Variants in ATP8B1 observed in about 807,000 individuals in gnomAD.
ATP8B1 encodes ATPase phospholipid transporting 8B1, also known as phospholipid-transporting ATPase IC.
Under a neutral mutation model 149.9 loss-of-function variants are expected in ATP8B1, and 80 were observed. The ratio of observed to expected loss-of-function variants is 0.53; its 90% confidence interval spans 0.45 to 0.64. ATP8B1 has a LOEUF of 0.64. ATP8B1 is among the 30% of genes least tolerant of loss of function. ATP8B1 has a pLI of 0.00. For missense variants in ATP8B1, 1,247 were observed against 1,552.6 expected, an observed-to-expected ratio of 0.80 and a Z score of 3.31; for synonymous variants, 536 against 562.8, an observed-to-expected ratio of 0.95 and a Z score of 0.67.
At position 57,759,155 on chromosome 18, in the gene ATP8B1, C is replaced by CAAAAAAA. The variant is rs566728161; in HGVS notation, c.-25-27330_-25-27324dup. On this transcript the variant is annotated intron_variant, in intron 1 of 27. Transcript: ENST00000648908. Reference sequence around the variant, plus strand: ...TGGGCGACAGAACGAGATTCCATCTCAAAAAAAAAAAAAAAAAAAAAAAAA... The same window carrying CAAAAAAA: ...TGGGCGACAGAACGAGATTCCATCTCAAAAAAAAAAAAAAAAAAAAAAAAAAAAAAAA... Among the ~76,000 whole-genome samples the CAAAAAAA allele has an allele frequency of 2.7e-3, 288 of 106,256 alleles. 8 individuals carry two copies. Among genetic ancestry groups the CAAAAAAA allele is most frequent in the African/African-American group, 9.2e-3 (247 of 26,858 alleles). The allele number at this position is 106,256 out of a possible 152,430, so 69.7% of individuals were successfully genotyped here.
At chr18:57,727,342 A>T (rs1182855658) in intron 2 of ATP8B1, among the ~76,000 whole-genome samples, 1 of 152,224 alleles carries the variant, frequency 6.6e-6, no homozygotes, top group East Asian at 1.9e-4. Context: ...ATTAAGTGGA[A>T]CAGCTCCCTC....
intron 1 of ATP8B1, chr18:57,734,212 CAG>C (rs1354057325): frequency 2.0e-5 from 3 of 152,076 alleles, no homozygotes; most frequent in African/African-American, 7.2e-5. Flanking sequence ...TCTTTTGAGA[CAG>C]AGTATCGCTC....
chr18:57,761,305 A>C (rs149790162), intron 1 of ATP8B1, among the ~76,000 whole-genome samples: 390 of 152,232 alleles, frequency 2.6e-3, no homozygotes, highest in Non-Finnish European at 4.1e-3. Context: ...ATTCAAATGC[A>C]GTGGCCTCTC....
At chr18:57,783,211 C>G (rs937526287) in intron 1 of ATP8B1, among the ~76,000 whole-genome samples, 2 of 152,080 alleles carry the variant, frequency 1.3e-5, no homozygotes, top group Non-Finnish European at 2.9e-5. Context: ...GTTAAGAATG[C>G]TCTACAGAGA....
chr18:57,755,391 C>A (rs2080066925), intron 1 of ATP8B1: 1 of 151,892 alleles, frequency 6.6e-6, no homozygotes, highest in Non-Finnish European at 1.5e-5. Flanking sequence ...AAATCCTGGA[C>A]ATGTGCTTGC....
intron 15 of ATP8B1, among the ~76,000 whole-genome samples, chr18:57,681,107 G>A (rs965106470): frequency 3.0e-4 from 45 of 152,174 alleles, no homozygotes; most frequent in African/African-American, 1.1e-3. Flanking sequence ...AATTAGATGA[G>A]CTTAGGACAG....
At chr18:57,735,999 G>T (rs2079850926) in intron 1 of ATP8B1, among the ~76,000 whole-genome samples, 1 of 35,364 alleles carries the variant, frequency 2.8e-5, no homozygotes, top group Non-Finnish European at 4.8e-5. Flanking sequence ...ACAGGCCCCA[G>T]TGTGTGATGT....
chr18:57,655,993 C>T (rs1909971852), intron 22 of ATP8B1, among the ~76,000 whole-genome samples: 1 of 152,186 alleles, frequency 6.6e-6, no homozygotes, highest in African/African-American at 2.4e-5. Context: ...AGCATCGCTT[C>T]CTCTTTTGGG....
intron 2 of ATP8B1, among the ~76,000 whole-genome samples, chr18:57,730,670 C>T (rs1392052948): frequency 2.0e-5 from 3 of 152,158 alleles, no homozygotes; most frequent in African/African-American, 7.2e-5. Context: ...GTCACTTACA[C>T]TCAACATTGG....
At chr18:57,734,731 T>C (rs2079829074) in intron 1 of ATP8B1, among the ~76,000 whole-genome samples, 1 of 152,152 alleles carries the variant, frequency 6.6e-6, no homozygotes, top group Non-Finnish European at 1.5e-5. Flanking sequence ...CTCAGGCCAT[T>C]ATCTTATGGC....
intron 2 of ATP8B1, among the ~76,000 whole-genome samples, chr18:57,729,644 G>A (rs1483576018): frequency 6.7e-5 from 10 of 148,314 alleles, no homozygotes; most frequent in South Asian, 4.3e-4. Flanking sequence ...TCTGCCTGCC[G>A]GGTTCTAGTG....
At chr18:57,800,024 A>G (rs564681286) in intron 1 of ATP8B1, among the ~76,000 whole-genome samples, 25 of 152,370 alleles carry the variant, frequency 1.6e-4, no homozygotes, top group African/African-American at 6.0e-4. Flanking sequence ...ACCTACAGGC[A>G]TGAATACAAT....
intron 3 of ATP8B1, 61 bp from the exon 4 acceptor site, chr18:57,704,729 C>G: frequency 9.6e-7 from 1 of 1,040,270 alleles, no homozygotes; most frequent in South Asian, 1.3e-5. Context: ...GTATACACAT[C>G]TGCAAAAGTC....
intron 1 of ATP8B1, among the ~76,000 whole-genome samples, chr18:57,796,224 A>C (rs954133735): frequency 6.6e-6 from 1 of 152,200 alleles, no homozygotes; most frequent in East Asian, 1.9e-4. Context: ...CAAGAAGACA[A>C]GATCATAAGG....
At chr18:57,736,554 G>A (rs1372375243) in intron 1 of ATP8B1, among the ~76,000 whole-genome samples, 2 of 147,724 alleles carry the variant, frequency 1.4e-5, no homozygotes, top group African/African-American at 2.5e-5. Flanking sequence ...TTGAACTCTT[G>A]GGCTCAAGGA....
chr18:57,790,845 C>T (rs377761537), intron 1 of ATP8B1, among the ~76,000 whole-genome samples: 6 of 152,030 alleles, frequency 3.9e-5, no homozygotes, highest in African/African-American at 9.7e-5. Flanking sequence ...CTCAGTCTCC[C>T]GAGTAGCTGG....
rs1181586406 is a variant in ATP8B1 at position 57,672,910 on chromosome 18, A to ATG, written c.1820-1331_1820-1330insCA. Among the ~76,000 whole-genome samples the ATG allele has an allele frequency of 3.9e-4, 29 of 75,286 alleles. 1 individual carries two copies. The highest frequency in any genetic ancestry group is 9.9e-4 in the South Asian group (2 of 2,024). The allele number at this position is 75,286 out of a possible 152,430, so 49.4% of individuals were successfully genotyped here. ...AGTATATATATATATATATATATAT[A>ATG]TATATATATATATATATATATAACA... On this transcript the variant is annotated intron_variant, in intron 16 of 27. Transcript: ENST00000648908.
chr18:57,715,813 A>G (rs1038189762), intron 2 of ATP8B1, among the ~76,000 whole-genome samples: 1 of 152,210 alleles, frequency 6.6e-6, no homozygotes. Flanking sequence ...TCAACACTAG[A>G]CCTGTCCTAC....
intron 1 of ATP8B1, among the ~76,000 whole-genome samples, chr18:57,801,321 A>T (rs944096328): frequency 7.2e-5 from 11 of 152,214 alleles, no homozygotes; most frequent in Non-Finnish European, 1.6e-4. Context: ...CCAAAATTAT[A>T]GCAAGGAAAA....
Sources: gnomAD v4.1 joint callset for allele counts (sites outside exome capture counted in the v4.1 genomes callset) on GRCh38, gnomAD v4.1.1 for gene constraint, MANE v1.5 for transcripts, NCBI Gene and HGNC (gene_info 2026-07-23, HGNC 2026-07-21) for gene names.